RAP1A: variants seen among roughly 807,000 people sequenced by gnomAD.
RAP1A encodes the protein ras-related protein Rap-1A.
Under a neutral mutation model 26.4 loss-of-function variants are expected in RAP1A, and 6 were observed. That is an observed-to-expected ratio of 0.23 (90% CI 0.12 to 0.45). The LOEUF (loss-of-function observed/expected upper bound fraction) is 0.45. RAP1A is among the 20% of genes least tolerant of loss of function. RAP1A has a pLI of 0.99. For synonymous variants in RAP1A, 73 were observed against 79.4 expected (o/e 0.92, Z 0.43); for missense variants, 121 against 217.2 (o/e 0.56, Z 2.78).
Position 111,714,690 on chromosome 1 carries a change from G to C in RAP1A, c.*2289G>C, listed in dbSNP as rs991498383. 6.6e-6 allele frequency: 1 copy of C among 152,194 alleles called. No homozygotes were observed. The highest frequency in any genetic ancestry group is 2.4e-5 in the African/African-American group (1 of 41,436). 9.4% of individuals were successfully genotyped at this position (152,194 alleles called of 1,614,324 possible). ...CAAGGAAATCTGTGGTTGCTGAGCA[G>C]GATGAAAAGTATCCTGTTAGAAAGT... On this transcript the variant is annotated 3_prime_UTR_variant, in exon 8 of 8. Coordinates refer to ENST00000369709, the MANE Select transcript of RAP1A (RefSeq NM_002884.4).
At chr1:111,681,908 G>T (rs1454833449) in intron 1 of RAP1A, among the ~76,000 whole-genome samples, 3 of 152,102 alleles carry the variant, frequency 2.0e-5, no homozygotes, top group African/African-American at 7.2e-5. Flanking sequence ...ATTCACCAAG[G>T]TTGAAACGAA....
chr1:111,547,012 G>A (rs2101030823), intron 1 of RAP1A, among the ~76,000 whole-genome samples: 1 of 152,232 alleles, frequency 6.6e-6, no homozygotes, highest in Admixed American at 6.5e-5. Context: ...CCCAAGGATT[G>A]TGTTCTTTTT....
At chr1:111,704,862 G>A (rs1662137766) in intron 6 of RAP1A, among the ~76,000 whole-genome samples, 2 of 152,282 alleles carry the variant, frequency 1.3e-5, no homozygotes, top group East Asian at 3.9e-4. Flanking sequence ...AAAATAATAT[G>A]TTTTTATGGA....
rs563350300 is a variant in RAP1A, at chr1:111,546,913, C to T, written c.-28+4404C>T. 8.9e-4 allele frequency among the ~76,000 whole-genome samples: 136 copies of T among 152,266 alleles called. 1 individual carries two copies. The highest frequency in any genetic ancestry group is 1.2e-4 in the Non-Finnish European group (8 of 67,994). ...GCAGTTCCCAAGGAATTTAATTTCTCCATATCGTCACCAACATTGTTATTT... is the reference window on the plus strand; with the variant it reads ...GCAGTTCCCAAGGAATTTAATTTCTTCATATCGTCACCAACATTGTTATTT... On this transcript the variant is annotated intron_variant, in intron 1 of 7. Coordinates refer to the RAP1A transcript ENST00000356415.
At chr1:111,703,943 T>G (rs1662100928) in intron 5 of RAP1A, among the ~76,000 whole-genome samples, 1 of 152,148 alleles carries the variant, frequency 6.6e-6, no homozygotes, top group Non-Finnish European at 1.5e-5. Flanking sequence ...GGACTACAGG[T>G]GTGTGCCACC....
At chr1:111,637,745 A>G (rs1260461004) in intron 1 of RAP1A, among the ~76,000 whole-genome samples, 1 of 152,106 alleles carries the variant, frequency 6.6e-6, no homozygotes, top group Non-Finnish European at 1.5e-5. Flanking sequence ...ACAGTACCCC[A>G]TCTCTAATGG....
intron 1 of RAP1A, among the ~76,000 whole-genome samples, chr1:111,661,716 T>C (rs1660642659): frequency 1.3e-5 from 2 of 151,446 alleles, no homozygotes; most frequent in Non-Finnish European, 2.9e-5. Flanking sequence ...GGAGAATCAC[T>C]TGAACCCTGG....
intron 1 of RAP1A, among the ~76,000 whole-genome samples, chr1:111,580,966 A>C (rs1445427578): frequency 6.6e-6 from 1 of 151,772 alleles, no homozygotes; most frequent in Non-Finnish European, 1.5e-5. Context: ...GGAGGGTCAA[A>C]GAAGAACCAT....
In RAP1A at chr1:111,619,967, C is replaced by T. The variant is rs1474244127; in HGVS notation, c.-28+33C>T. The T allele has an allele frequency of 1.8e-5, 7 of 396,842 alleles. No individual in the cohort carries two copies. The East Asian group carries it at 2.1e-4, about 12-fold the overall frequency. The allele number at this position is 396,842 out of a possible 1,614,324, so 24.6% of individuals were successfully genotyped here. On this transcript the variant is annotated intron_variant, in intron 1 of 7. Coordinates refer to ENST00000369709, the MANE Select transcript of RAP1A (RefSeq NM_002884.4). ...AGGGGCGGGGAGCTCCAGACGGCCC[C>T]AGAGGGAGCGGGGGGCGCGGGTCGG...
At chr1:111,682,617 A>G (rs192805223) in intron 1 of RAP1A, among the ~76,000 whole-genome samples, 30 of 152,340 alleles carry the variant, frequency 2.0e-4, no homozygotes, top group African/African-American at 5.8e-4. Flanking sequence ...GATCAATGCA[A>G]TGAGAGCTAA....
intron 1 of RAP1A, among the ~76,000 whole-genome samples, chr1:111,584,722 A>T (rs1658327400): frequency 1.3e-5 from 2 of 152,136 alleles, no homozygotes; most frequent in South Asian, 4.1e-4. Context: ...TTCATATATA[A>T]ATAGGGAATA....
At chr1:111,704,598 AT>A in intron 6 of RAP1A, 112 bp downstream of exon 6, 2 of 1,141,230 alleles carry the variant, frequency 1.8e-6, no homozygotes, top group Non-Finnish European at 1.2e-6. Context: ...TGATTCCATA[AT>A]TTTATAGGAA....
chr1:111,641,650 C>T (rs138661140), intron 1 of RAP1A, among the ~76,000 whole-genome samples: 453 of 151,818 alleles, frequency 3.0e-3, no homozygotes, highest in African/African-American at 0.01. Context: ...TGTGTGTGTG[C>T]GCGCGCATGC....
At chr1:111,697,526 A>T (rs1356749083) in intron 4 of RAP1A, 29 bp downstream of exon 4, 1 of 1,609,098 alleles carries the variant, frequency 6.2e-7, no homozygotes, top group Non-Finnish European at 8.5e-7. Flanking sequence ...TTTTTGATAG[A>T]TTTTAATTTG....
chr1:111,676,229 G>A (rs1256564899), intron 1 of RAP1A, among the ~76,000 whole-genome samples: 2 of 152,178 alleles, frequency 1.3e-5, no homozygotes, highest in South Asian at 2.1e-4. Flanking sequence ...GGTGGTGGGC[G>A]CCTGTAATCC....
chr1:111,684,234 C>A (rs1661395753), intron 1 of RAP1A, among the ~76,000 whole-genome samples: 1 of 152,168 alleles, frequency 6.6e-6, no homozygotes, highest in African/African-American at 2.4e-5. Context: ...TGGAAGCATT[C>A]CCTTTGAAAA....
chr1:111,594,597 G>A (rs6682102), intron 1 of RAP1A, among the ~76,000 whole-genome samples: 5,293 of 150,556 alleles, frequency 0.035, 146 homozygotes, highest in Non-Finnish European at 0.052. Flanking sequence ...AGGGAGGGAG[G>A]AAGGAAGCAA....
intron 1 of RAP1A, among the ~76,000 whole-genome samples, chr1:111,595,408 G>A (rs977697213): frequency 2.6e-5 from 4 of 152,122 alleles, no homozygotes; most frequent in African/African-American, 9.7e-5. Context: ...CTCTAGCTGT[G>A]TATTCCCTGT....
intron 1 of RAP1A, among the ~76,000 whole-genome samples, chr1:111,654,827 G>A (rs978451959): frequency 1.3e-5 from 2 of 150,080 alleles, no homozygotes; most frequent in Non-Finnish European, 3.0e-5. Context: ...TTTATTATAT[G>A]TTTATTTACT....
Sources: allele counts gnomAD v4.1 joint callset (sites outside exome capture counted in the v4.1 genomes callset), GRCh38; gene constraint gnomAD v4.1.1; transcripts MANE v1.5; gene names NCBI Gene and HGNC (gene_info 2026-07-23, HGNC 2026-07-21).